Variants in EMB observed in about 807,000 individuals in gnomAD.
EMB encodes the protein embigin, also known as embigin homolog.
EMB carries 31 observed loss-of-function variants against 41.4 expected under a neutral mutation model. That is an observed-to-expected ratio of 0.75 (90% CI 0.56 to 1.01). The LOEUF (loss-of-function observed/expected upper bound fraction) is 1.01. EMB is among the 50% of genes least tolerant of loss of function. The pLI is 0.00. For missense variants in EMB, 379 were observed against 388.3 expected, an observed-to-expected ratio of 0.98 and a Z score of 0.20; for synonymous variants, 137 against 140.4, an observed-to-expected ratio of 0.98 and a Z score of 0.17.
chr5:50,413,474 T>C (rs891913205), intron 2 of EMB, among the ~76,000 whole-genome samples: 2 of 152,194 alleles, frequency 1.3e-5, no homozygotes, highest in African/African-American at 2.4e-5. Context: ...ACAGGAAACA[T>C]GGATTATAGA....
intron 4 of EMB, 86 bp from the exon 5 acceptor site, chr5:50,405,938 T>C (rs1265456981): frequency 5.5e-6 from 8 of 1,446,054 alleles, no homozygotes; most frequent in Admixed American, 2.7e-5. Context: ...TCTCCTTTCA[T>C]TTTTTCATTA....
chr5:50,405,717 T>C lies in EMB; in HGVS notation c.600+8A>G. ...TGTTGTTTTCTTCAAATCAAGGAAC[T>C]ATCTTACCTTTACACTCCCATTACT... is the stretch of plus-strand genomic sequence containing the variant. On this transcript the variant is annotated splice_region_variant and intron_variant, in intron 5 of 8. Coordinates refer to ENST00000303221, the MANE Select transcript of EMB (RefSeq NM_198449.3). The C allele has an allele frequency of 6.4e-7, 1 of 1,570,670 alleles. No homozygotes were observed. The highest frequency in any genetic ancestry group is 8.6e-7 in the Non-Finnish European group (1 of 1,164,508).
intron 1 of EMB, among the ~76,000 whole-genome samples, chr5:50,433,381 A>G (rs1307412329): frequency 6.6e-6 from 1 of 152,226 alleles, no homozygotes; most frequent in Non-Finnish European, 1.5e-5. Flanking sequence ...TACGTTTCAA[A>G]GGGCAATGTA....
intron 1 of EMB, among the ~76,000 whole-genome samples, chr5:50,431,834 G>C (rs1232345786): frequency 6.6e-6 from 1 of 152,134 alleles, no homozygotes; most frequent in Non-Finnish European, 1.5e-5. Context: ...TCTCTTTGCA[G>C]GGCAGTTGAG....
chr5:50,428,468 C>T, intron 1 of EMB: 1 of 1,135,320 alleles, frequency 8.8e-7, no homozygotes, highest in South Asian at 3.9e-5. Flanking sequence ...CATCAGATGG[C>T]TTTTTTTAAA....
chr5:50,421,390 A>G (rs961680901), intron 2 of EMB, among the ~76,000 whole-genome samples: 7 of 152,180 alleles, frequency 4.6e-5, no homozygotes, highest in African/African-American at 1.7e-4. Context: ...AAAAGTCAAG[A>G]AACAACAGGT....
intron 1 of EMB, chr5:50,428,752 C>A: frequency 1.0e-6 from 1 of 985,272 alleles, no homozygotes; most frequent in South Asian, 4.7e-5. Flanking sequence ...AGAGGCATGC[C>A]CTCTAACACC....
chr5:50,413,413 C>G (rs1187176840), intron 2 of EMB, among the ~76,000 whole-genome samples: 3 of 152,150 alleles, frequency 2.0e-5, no homozygotes, highest in Non-Finnish European at 4.4e-5. Flanking sequence ...AAAAAAGGTG[C>G]TGGAGGAGGT....
chr5:50,397,524 A>G lies in EMB; in HGVS notation c.*1749T>C, dbSNP rs1745089298. 2 of 152,136 alleles carry G rather than the reference A, an allele frequency of 1.3e-5. No homozygotes were observed. Among genetic ancestry groups the G allele is most frequent in the South Asian group, 4.1e-4 (2 of 4,838 alleles). The allele number at this position is 152,136 out of a possible 1,614,324, so 9.4% of individuals were successfully genotyped here. Reference sequence around the variant, plus strand: ...AGAATGCATACTGCAGATGGGTTACACATTTGTTTGTGTTCTATATTCCAA... The same window carrying G: ...AGAATGCATACTGCAGATGGGTTACGCATTTGTTTGTGTTCTATATTCCAA... On this transcript the variant is annotated 3_prime_UTR_variant, in exon 9 of 9. Coordinates refer to ENST00000303221, the MANE Select transcript of EMB (RefSeq NM_198449.3).
At chr5:50,421,285 C>G (rs575300539) in intron 2 of EMB, among the ~76,000 whole-genome samples, 29 of 151,836 alleles carry the variant, frequency 1.9e-4, no homozygotes, top group African/African-American at 7.0e-4. Flanking sequence ...CCAAAAGACA[C>G]ATGAAAAAAT....
chr5:50,402,591 T>C (rs1745181671), intron 6 of EMB, among the ~76,000 whole-genome samples: 1 of 151,900 alleles, frequency 6.6e-6, no homozygotes, highest in Non-Finnish European at 1.5e-5. Context: ...AAAAATTTAG[T>C]ATAAAATCAG....
chr5:50,411,158 C>T, intron 3 of EMB, 39 bp downstream of exon 3: 1 of 1,530,802 alleles, frequency 6.5e-7, no homozygotes, highest in East Asian at 2.3e-5. Context: ...AATTAAGCTA[C>T]TTTTGGTGAG....
chr5:50,406,821 G>A (rs1002688807), intron 4 of EMB, among the ~76,000 whole-genome samples: 12 of 151,964 alleles, frequency 7.9e-5, no homozygotes, highest in Non-Finnish European at 1.8e-4. Flanking sequence ...TAGTTTGCCA[G>A]TAGGGAAAGA....
intron 2 of EMB, among the ~76,000 whole-genome samples, chr5:50,418,698 C>T (rs1016700031): frequency 6.6e-6 from 1 of 152,140 alleles, no homozygotes; most frequent in Non-Finnish European, 1.5e-5. Context: ...ATCAAGAGTC[C>T]AGTGCCTGCA....
intron 2 of EMB, among the ~76,000 whole-genome samples, chr5:50,425,000 C>T (rs1223747505): frequency 6.6e-6 from 1 of 152,112 alleles, no homozygotes; most frequent in Non-Finnish European, 1.5e-5. Context: ...GTTTTTTTCT[C>T]TGTGCATCAA....
At position 50,432,949 on chromosome 5, in the gene EMB, G is replaced by T. The variant is rs190908477; in HGVS notation, c.113-4722C>A. Among the ~76,000 whole-genome samples the T allele has an allele frequency of 7.2e-5, 11 of 152,008 alleles. 1 individual carries two copies. The East Asian group carries it at 2.1e-3, about 30-fold the overall frequency. On this transcript the variant is annotated intron_variant, in intron 1 of 8. Coordinates refer to ENST00000303221, the MANE Select transcript of EMB (RefSeq NM_198449.3). ...AAAAATTAGCCAGGCATGGTGGCAT[G>T]CACCTGTGGTCCCAGCAACTTGGGA...
chr5:50,405,973 T>C (rs1745242631), intron 4 of EMB, 121 bp from the exon 5 acceptor site: 1 of 1,360,644 alleles, frequency 7.3e-7, no homozygotes, highest in Non-Finnish European at 9.7e-7. Context: ...CTTTCAGTTA[T>C]ATATCAATGA....
At chr5:50,439,585 C>A (rs780206677) in intron 1 of EMB, among the ~76,000 whole-genome samples, 28 of 151,574 alleles carry the variant, frequency 1.8e-4, no homozygotes, top group South Asian at 2.1e-4. Flanking sequence ...CCTCAGCGCC[C>A]AAAAGTGCTG....
intron 1 of EMB, among the ~76,000 whole-genome samples, chr5:50,439,906 T>C (rs1745868508): frequency 6.6e-6 from 1 of 152,174 alleles, no homozygotes; most frequent in South Asian, 2.1e-4. Context: ...TGGTCTTTTA[T>C]TACCCTTACT....
Sources: gnomAD v4.1 joint callset for allele counts (sites outside exome capture counted in the v4.1 genomes callset) on GRCh38, gnomAD v4.1.1 for gene constraint, MANE v1.5 for transcripts, NCBI Gene and HGNC (gene_info 2026-07-23, HGNC 2026-07-21) for gene names.